Variants in RFX4 observed in about 807,000 individuals in gnomAD.
RFX4 encodes the protein transcription factor RFX4.
RFX4 carries 10 observed loss-of-function variants against 95.0 expected under a neutral mutation model. The observed-to-expected ratio is 0.11, with a 90% CI of 0.06 to 0.18. RFX4 has a LOEUF of 0.18. Ranked by LOEUF, RFX4 falls within the 10% of genes least tolerant of loss-of-function variation. The pLI, the probability that RFX4 is intolerant of heterozygous loss-of-function variation, is 1.00. For synonymous variants in RFX4, 321 were observed against 340.7 expected (o/e 0.94, Z 0.64); for missense variants, 640 against 922.0 (o/e 0.69, Z 3.96).
At chr12:106,689,389 G>A (rs1424700716) in intron 7 of RFX4, 25 bp downstream of exon 7, 1 of 1,555,232 alleles carries the variant, frequency 6.4e-7, no homozygotes. Flanking sequence ...GTTGAGCTGT[G>A]AATACTCGGT....
chr12:106,595,233 A>C (rs2039601685), intron 1 of RFX4, among the ~76,000 whole-genome samples: 2 of 152,228 alleles, frequency 1.3e-5, no homozygotes, highest in African/African-American at 4.8e-5. Context: ...CAGGATTTGA[A>C]CACGGATTAC....
chr12:106,624,128 C>A (rs1173531359), intron 2 of RFX4, among the ~76,000 whole-genome samples: 2 of 152,146 alleles, frequency 1.3e-5, no homozygotes, highest in African/African-American at 4.8e-5. Context: ...ACAACAAAAT[C>A]TTTCCCAGAA....
At chr12:106,714,292 G>A (rs2042248111) in intron 10 of RFX4, among the ~76,000 whole-genome samples, 1 of 152,034 alleles carries the variant, frequency 6.6e-6, no homozygotes, top group South Asian at 2.1e-4. Flanking sequence ...GCTCAGCAAC[G>A]AGGCCAGGAT....
At chr12:106,758,472 G>A (rs868550157) in intron 17 of RFX4, among the ~76,000 whole-genome samples, 4 of 152,102 alleles carry the variant, frequency 2.6e-5, no homozygotes, top group Non-Finnish European at 5.9e-5. Flanking sequence ...CACAACTTCT[G>A]AGCACAGCTG....
At chr12:106,663,444 T>A (rs187516855) in intron 4 of RFX4, among the ~76,000 whole-genome samples, 58 of 152,164 alleles carry the variant, frequency 3.8e-4, no homozygotes, top group African/African-American at 1.3e-3. Context: ...CCAGGAGATT[T>A]TTTTTTCTTT....
chr12:106,614,839 G>GT (rs1443982307), intron 2 of RFX4, among the ~76,000 whole-genome samples: 1 of 152,080 alleles, frequency 6.6e-6, no homozygotes, highest in African/African-American at 2.4e-5. Flanking sequence ...TATGTTGTTG[G>GT]TTTTCTCCTT....
rs747777767 is a variant in RFX4, at chr12:106,709,378, A to G, written c.882A>G (p.Leu294=). ...TTGCCAAGCAACTGGATGAGTGGCT[A>G]AAAGTGGCTCTCCACGACCTCCCAG... ...RKFAKQLDEW[L]KVALHDLPEN... The change falls in exon 9 of 18, where the codon CTA becomes CTG. Residue 294 remains leucine (L), a synonymous_variant. Coordinates refer to ENST00000392842, the MANE Select transcript of RFX4 (RefSeq NM_213594.3). 10 of 1,613,330 alleles carry G rather than the reference A, an allele frequency of 6.2e-6. No homozygotes were observed. In the African/African-American group the frequency reaches 8.0e-5, roughly 13 times the overall value.
Position 106,655,444 on chromosome 12 carries a change from C to G in RFX4, c.315+1093C>G, listed in dbSNP as rs986863907. On this transcript the variant is annotated intron_variant, in intron 4 of 17. Transcript: ENST00000392842. ...TGGTAGAGACTGGCTGTGTGGCAGGCCCTGTGTTAAGTAGTGGCAGTGGGG... is the reference window on the plus strand; with the variant it reads ...TGGTAGAGACTGGCTGTGTGGCAGGGCCTGTGTTAAGTAGTGGCAGTGGGG... Among the ~76,000 whole-genome samples the G allele has an allele frequency of 5.3e-4, 81 of 152,264 alleles. 1 individual carries two copies. Among genetic ancestry groups the G allele is most frequent in the African/African-American group, 1.8e-3 (75 of 41,536 alleles).
At chr12:106,693,997 G>A (rs540230494) in intron 7 of RFX4, among the ~76,000 whole-genome samples, 11 of 152,288 alleles carry the variant, frequency 7.2e-5, no homozygotes, top group Admixed American at 3.9e-4. Context: ...GAAGGGGAAC[G>A]GAGGCTTAGA....
At position 106,733,274 on chromosome 12, in the gene RFX4, G is replaced by A. The variant is rs2042648106; in HGVS notation, c.1633+189G>A. The A allele has an allele frequency of 2.4e-5, 14 of 576,812 alleles. 1 individual carries two copies. The highest frequency in any genetic ancestry group is 1.6e-4 in the South Asian group (7 of 45,096). 35.7% of individuals were successfully genotyped at this position (576,812 alleles called of 1,614,324 possible). A position where few individuals can be genotyped will look rare whatever the true frequency, so the allele number is the denominator to read the frequency against. On this transcript the variant is annotated intron_variant, in intron 15 of 17. Coordinates refer to ENST00000392842, the MANE Select transcript of RFX4 (RefSeq NM_213594.3). ...TTGCTTGAGCCCAGGAGCTACGATC[G>A]CACCACTGCATTCTAGCCTTAGTGA...
intron 15 of RFX4, among the ~76,000 whole-genome samples, chr12:106,735,271 A>G (rs1042367647): frequency 2.6e-5 from 4 of 152,182 alleles, no homozygotes; most frequent in Non-Finnish European, 5.9e-5. Flanking sequence ...TAGTAAGTAT[A>G]AAAGTGATGT....
chr12:106,583,917 G>C (rs989151798), intron 1 of RFX4, among the ~76,000 whole-genome samples: 1 of 152,168 alleles, frequency 6.6e-6, no homozygotes, highest in East Asian at 1.9e-4. Context: ...CCGGTGGTCC[G>C]GGGGAATCCG....
chr12:106,641,967 C>CTATCTA (rs57799769), intron 3 of RFX4, among the ~76,000 whole-genome samples: 43,751 of 134,656 alleles, frequency 0.32, 7,925 homozygotes, highest in Middle Eastern at 0.39. Context: ...ATATCTATAT[C>CTATCTA]TATCTATATC....
At chr12:106,607,685 C>T (rs2039866772) in intron 1 of RFX4, among the ~76,000 whole-genome samples, 1 of 152,172 alleles carries the variant, frequency 6.6e-6, no homozygotes, top group African/African-American at 2.4e-5. Context: ...AAATATATCA[C>T]TTGCATTGGG....
At chr12:106,684,308 A>G (rs1272241173) in intron 5 of RFX4, among the ~76,000 whole-genome samples, 1 of 152,228 alleles carries the variant, frequency 6.6e-6, no homozygotes, top group African/African-American at 2.4e-5. Flanking sequence ...CAGAGGTTTC[A>G]GTGAGCCACG....
intron 4 of RFX4, among the ~76,000 whole-genome samples, chr12:106,680,585 G>A (rs1163929418): frequency 6.6e-6 from 1 of 152,186 alleles, no homozygotes; most frequent in Non-Finnish European, 1.5e-5. Context: ...CATCCCTAGA[G>A]AAAGCACTCA....
chr12:106,660,583 G>C (rs765743472), intron 4 of RFX4, among the ~76,000 whole-genome samples: 3 of 152,042 alleles, frequency 2.0e-5, no homozygotes, highest in Non-Finnish European at 4.4e-5. Flanking sequence ...TCAGATTTTT[G>C]AGAAAAGAGA....
At chr12:106,600,368 C>G (rs565055206) in intron 1 of RFX4, among the ~76,000 whole-genome samples, 1 of 152,238 alleles carries the variant, frequency 6.6e-6, no homozygotes, top group Admixed American at 6.5e-5. Flanking sequence ...CCTAACTCCC[C>G]CAGATTAGAC....
At chr12:106,758,464 C>A (rs1024846454) in intron 17 of RFX4, among the ~76,000 whole-genome samples, 9 of 152,172 alleles carry the variant, frequency 5.9e-5, no homozygotes, top group African/African-American at 2.2e-4. Context: ...GTCTATGACA[C>A]AACTTCTGAG....
Sources: gnomAD v4.1 joint callset for allele counts (sites outside exome capture counted in the v4.1 genomes callset) on GRCh38, gnomAD v4.1.1 for gene constraint, MANE v1.5 for transcripts, NCBI Gene and HGNC (gene_info 2026-07-23, HGNC 2026-07-21) for gene names.